Variants in NLGN1 observed in about 807,000 individuals in gnomAD.
The protein encoded by NLGN1 is neuroligin 1, also known as neuroligin-1.
In NLGN1, 12 loss-of-function variants were observed where a neutral mutation model predicts 65.5. The ratio of observed to expected loss-of-function variants is 0.18; its 90% CI spans 0.12 to 0.30. The LOEUF (loss-of-function observed/expected upper bound fraction) is 0.30. NLGN1 is among the 10% of genes least tolerant of loss of function. The pLI is 1.00. For synonymous variants in NLGN1, 350 were observed against 359.5 expected, an observed-to-expected ratio of 0.97 and a Z score of 0.30; for missense variants, 750 against 1,007.1, an observed-to-expected ratio of 0.74 and a Z score of 3.46.
chr3:173,813,988 C>T (rs150454186), intron 4 of NLGN1, among the ~76,000 whole-genome samples: 155 of 152,292 alleles, frequency 1.0e-3, no homozygotes, highest in Middle Eastern at 3.4e-3. Context: ...TCTGTAAAAA[C>T]CAAAGACATA....
intron 4 of NLGN1, among the ~76,000 whole-genome samples, chr3:174,095,609 A>G (rs1215612109): frequency 2.6e-5 from 4 of 151,524 alleles, no homozygotes; most frequent in South Asian, 2.1e-4. Context: ...ATATACACAC[A>G]TGTATAAACT....
chr3:173,410,688 A>G (rs932883902), intron 1 of NLGN1, among the ~76,000 whole-genome samples: 8 of 152,194 alleles, frequency 5.3e-5, no homozygotes, highest in Non-Finnish European at 8.8e-5. Context: ...CCTTTGTAAA[A>G]TCTCCAAACT....
At chr3:173,781,229 T>G (rs1321100687) in intron 3 of NLGN1, among the ~76,000 whole-genome samples, 1 of 151,460 alleles carries the variant, frequency 6.6e-6, no homozygotes, top group Non-Finnish European at 1.5e-5. Flanking sequence ...ACTGTACTCA[T>G]ACCCTAGAGA....
chr3:173,501,694 T>A (rs1731145941), intron 2 of NLGN1, among the ~76,000 whole-genome samples: 1 of 150,274 alleles, frequency 6.7e-6, no homozygotes, highest in South Asian at 2.1e-4. Flanking sequence ...AATTATAGAA[T>A]TCTCTACGTA....
At chr3:173,861,514 ACGTGTG>A (rs1208739483) in intron 4 of NLGN1, among the ~76,000 whole-genome samples, 1 of 92,184 alleles carries the variant, frequency 1.1e-5, no homozygotes. Context: ...AGTAGCTGGC[ACGTGTG>A]TGTGTGTGTG....
chr3:173,768,921 C>A (rs1292219981), intron 3 of NLGN1, among the ~76,000 whole-genome samples: 7 of 152,000 alleles, frequency 4.6e-5, no homozygotes, highest in Non-Finnish European at 2.9e-5. Flanking sequence ...GGACTACAGG[C>A]ACGTACCACC....
chr3:173,609,156 T>C (rs1294503628), intron 3 of NLGN1, among the ~76,000 whole-genome samples: 4 of 151,942 alleles, frequency 2.6e-5, no homozygotes, highest in African/African-American at 4.8e-5. Context: ...ACAAACACAT[T>C]GTCTGGCTCA....
chr3:174,076,712 A>AGTGTGT (rs1741022113), intron 4 of NLGN1, among the ~76,000 whole-genome samples: 1 of 137,360 alleles, frequency 7.3e-6, no homozygotes, highest in African/African-American at 2.8e-5. Flanking sequence ...AGAGAGAGAG[A>AGTGTGT]GAGAGAGAGA....
chr3:174,221,602 A>AT (rs1738663567), intron 4 of NLGN1, among the ~76,000 whole-genome samples: 2 of 91,202 alleles, frequency 2.2e-5, no homozygotes, highest in Admixed American at 1.3e-4. Flanking sequence ...AACATACATT[A>AT]ATTTTTTTTT....
Position 173,837,400 on chromosome 3 carries a change from T to C in NLGN1, c.646+29568T>C, listed in dbSNP as rs137868994. On this transcript the variant is annotated intron_variant, in intron 4 of 6. Transcript: ENST00000457714. ...AATTATTATAGAATAAAGGAAAATA[T>C]GCTTTGGGACAGTAAACATAGACAA... Among the ~76,000 whole-genome samples the C allele has an allele frequency of 5.0e-4, 76 of 152,318 alleles. 1 individual carries two copies. The East Asian group carries it at 0.011, about 21-fold the overall frequency.
chr3:174,004,404 A>C (rs1723941263), intron 4 of NLGN1, among the ~76,000 whole-genome samples: 1 of 152,088 alleles, frequency 6.6e-6, no homozygotes, highest in Non-Finnish European at 1.5e-5. Context: ...GATAATTTTG[A>C]ATCTTGATTC....
intron 3 of NLGN1, among the ~76,000 whole-genome samples, chr3:173,807,137 A>T (rs1264037981): frequency 6.6e-6 from 1 of 152,186 alleles, no homozygotes; most frequent in Non-Finnish European, 1.5e-5. Context: ...TAGTAAACTG[A>T]AACATCTTGC....
chr3:174,125,595 G>C (rs1718768842), intron 4 of NLGN1, among the ~76,000 whole-genome samples: 1 of 152,056 alleles, frequency 6.6e-6, no homozygotes, highest in African/African-American at 2.4e-5. Context: ...TACTGAATAG[G>C]CTGCTGCATA....
At chr3:173,438,379 C>T (rs939063248) in intron 2 of NLGN1, among the ~76,000 whole-genome samples, 2 of 152,032 alleles carry the variant, frequency 1.3e-5, no homozygotes, top group African/African-American at 2.4e-5. Flanking sequence ...ATCGTCTTTC[C>T]TATTAAAAGT....
At chr3:173,896,106 C>T (rs1360046022) in intron 4 of NLGN1, among the ~76,000 whole-genome samples, 6 of 152,172 alleles carry the variant, frequency 3.9e-5, no homozygotes, top group Non-Finnish European at 1.5e-5. Context: ...AGTCACCATG[C>T]TCCATTGGTT....
chr3:174,080,462 C>T (rs1359700463), intron 4 of NLGN1, among the ~76,000 whole-genome samples: 1 of 152,198 alleles, frequency 6.6e-6, no homozygotes, highest in Non-Finnish European at 1.5e-5. Flanking sequence ...CGTCATTTGA[C>T]CTTTTGACTT....
intron 4 of NLGN1, among the ~76,000 whole-genome samples, chr3:174,150,464 A>G (rs572280043): frequency 6.6e-6 from 1 of 152,134 alleles, no homozygotes; most frequent in Admixed American, 6.6e-5. Flanking sequence ...AGTTGTAACA[A>G]ACAAAAATGT....
chr3:173,738,830 G>A (rs1209251723), intron 3 of NLGN1, among the ~76,000 whole-genome samples: 1 of 152,010 alleles, frequency 6.6e-6, no homozygotes, highest in Admixed American at 6.6e-5. Context: ...AATTTGGAGA[G>A]TACTGCCATC....
intron 4 of NLGN1, among the ~76,000 whole-genome samples, chr3:173,906,255 T>C (rs1738364027): frequency 6.6e-6 from 1 of 152,224 alleles, no homozygotes; most frequent in Non-Finnish European, 1.5e-5. Context: ...CGTATTGCTC[T>C]TTTTTATTAG....
Sources: allele counts gnomAD v4.1 joint callset (sites outside exome capture counted in the v4.1 genomes callset), GRCh38; gene constraint gnomAD v4.1.1; transcripts MANE v1.5; gene names NCBI Gene and HGNC (gene_info 2026-07-23, HGNC 2026-07-21).